CNTNAP5: variants seen among roughly 807,000 people sequenced by gnomAD.
The protein encoded by CNTNAP5 is contactin-associated protein-like 5.
A neutral mutation model predicts 150.2 loss-of-function variants in CNTNAP5; 72 were observed. The observed-to-expected ratio is 0.48, with a 90% confidence interval of 0.40 to 0.58. CNTNAP5 has a LOEUF of 0.58. Ranked by LOEUF, CNTNAP5 falls within the 20% of genes least tolerant of loss-of-function variation. The pLI is 0.00. For missense variants in CNTNAP5, 1,636 were observed against 1,626.2 expected, an observed-to-expected ratio of 1.01 and a Z score of -0.10; for synonymous variants, 672 against 619.8, an observed-to-expected ratio of 1.08 and a Z score of -1.25.
At chr2:124,445,908 T>G (rs1224034018) in intron 5 of CNTNAP5, among the ~76,000 whole-genome samples, 2 of 152,236 alleles carry the variant, frequency 1.3e-5, no homozygotes, top group Non-Finnish European at 2.9e-5. Flanking sequence ...GTAATCTTTT[T>G]GGTAGAGGGG....
intron 19 of CNTNAP5, among the ~76,000 whole-genome samples, chr2:124,799,871 A>G (rs561773085): frequency 6.6e-6 from 1 of 152,336 alleles, no homozygotes; most frequent in Admixed American, 6.5e-5. Flanking sequence ...AATAGAGACT[A>G]GGATGACAAT....
chr2:124,792,623 A>G (rs1352255614), intron 18 of CNTNAP5, among the ~76,000 whole-genome samples: 1 of 152,190 alleles, frequency 6.6e-6, no homozygotes, highest in Non-Finnish European at 1.5e-5. Flanking sequence ...CACCACCATC[A>G]GTTTCAGAAT....
intron 1 of CNTNAP5, among the ~76,000 whole-genome samples, chr2:124,113,960 A>AT (rs1227640396): frequency 6.6e-6 from 1 of 151,830 alleles, no homozygotes; most frequent in Non-Finnish European, 1.5e-5. Context: ...TAAGTTTCCA[A>AT]TTATATCCCC....
At chr2:124,705,138 T>A (rs879074758) in intron 13 of CNTNAP5, among the ~76,000 whole-genome samples, 2 of 152,210 alleles carry the variant, frequency 1.3e-5, no homozygotes, top group East Asian at 1.9e-4. Context: ...ACACTTTTTT[T>A]AATAGAGTGT....
chr2:124,052,182 G>A (rs1681714203), intron 1 of CNTNAP5, among the ~76,000 whole-genome samples: 1 of 152,162 alleles, frequency 6.6e-6, no homozygotes, highest in Non-Finnish European at 1.5e-5. Flanking sequence ...GATAACATCT[G>A]GAGTAGCATG....
At chr2:124,031,038 G>A (rs1048910798) in intron 1 of CNTNAP5, among the ~76,000 whole-genome samples, 17 of 151,888 alleles carry the variant, frequency 1.1e-4, no homozygotes, top group African/African-American at 3.9e-4. Flanking sequence ...CCACAAACAA[G>A]CTATGTTGTT....
intron 8 of CNTNAP5, among the ~76,000 whole-genome samples, chr2:124,513,637 G>A (rs1298169691): frequency 6.6e-6 from 1 of 152,164 alleles, no homozygotes; most frequent in East Asian, 1.9e-4. Flanking sequence ...AATTTTAACA[G>A]GGAAAGAAGA....
chr2:124,217,573 C>T (rs148296923), intron 1 of CNTNAP5, among the ~76,000 whole-genome samples: 34 of 152,266 alleles, frequency 2.2e-4, no homozygotes, highest in African/African-American at 7.5e-4. Context: ...TATGCAGGCT[C>T]GTGTCTTCAC....
intron 21 of CNTNAP5, among the ~76,000 whole-genome samples, chr2:124,887,238 G>A (rs1678099505): frequency 6.6e-6 from 1 of 151,984 alleles, no homozygotes; most frequent in South Asian, 2.1e-4. Flanking sequence ...GGAACATTTT[G>A]TTGTCAATAT....
At chr2:124,396,540 A>G (rs1573965616) in intron 3 of CNTNAP5, among the ~76,000 whole-genome samples, 1 of 152,340 alleles carries the variant, frequency 6.6e-6, no homozygotes, top group East Asian at 1.9e-4. Context: ...GCAGGCTACA[A>G]CAAGCATTAT....
At chr2:124,319,587 A>C (rs547099030) in intron 3 of CNTNAP5, among the ~76,000 whole-genome samples, 1 of 152,302 alleles carries the variant, frequency 6.6e-6, no homozygotes, top group African/African-American at 2.4e-5. Flanking sequence ...GAAATTATGC[A>C]GTCATTTTTA....
At chr2:124,187,370 A>C (rs1685359329) in intron 1 of CNTNAP5, among the ~76,000 whole-genome samples, 1 of 152,210 alleles carries the variant, frequency 6.6e-6, no homozygotes, top group Non-Finnish European at 1.5e-5. Flanking sequence ...ATTTGAGCTA[A>C]GATCTGCCTG....
At chr2:124,127,262 A>G (rs1450672857) in intron 1 of CNTNAP5, among the ~76,000 whole-genome samples, 4 of 152,160 alleles carry the variant, frequency 2.6e-5, no homozygotes, top group African/African-American at 9.7e-5. Context: ...CTATACACCA[A>G]TAACAGACAA....
intron 8 of CNTNAP5, among the ~76,000 whole-genome samples, chr2:124,517,387 GGGGTTGTGTTGTTGGTGACGGA>G (rs1694747006): frequency 6.7e-6 from 1 of 148,150 alleles, no homozygotes; most frequent in African/African-American, 2.5e-5. Context: ...TTGGTAAAGA[GGGGTTGTGTTGTTGGTGACGGA>G]GGGTTGTGGT....
chr2:124,494,904 A>G (rs996373582), intron 7 of CNTNAP5, among the ~76,000 whole-genome samples: 1 of 152,266 alleles, frequency 6.6e-6, no homozygotes. Flanking sequence ...TTTAACTGAA[A>G]CTCCTAGTAT....
chr2:124,608,098 A>G (rs1251417988), intron 11 of CNTNAP5, among the ~76,000 whole-genome samples: 1 of 152,184 alleles, frequency 6.6e-6, no homozygotes, highest in Non-Finnish European at 1.5e-5. Context: ...ACATTTGATC[A>G]TGACAAACTG....
At position 124,025,313 on chromosome 2, in the gene CNTNAP5, T is replaced by G. The variant is rs1573698459; in HGVS notation, c.-338T>G. On this transcript the variant is annotated 5_prime_UTR_variant, in exon 1 of 24. Transcript: ENST00000682447. ...ATTCCAGCTCTCGCGCCCGACGAGGTGGATTTGGCTGTCCACCGAGCTCCG... is the reference window on the plus strand; with the variant it reads ...ATTCCAGCTCTCGCGCCCGACGAGGGGGATTTGGCTGTCCACCGAGCTCCG... 2 of 264,278 alleles carry G rather than the reference T, an allele frequency of 7.6e-6. No individual in the cohort carries two copies. Among genetic ancestry groups the G allele is most frequent in the Admixed American group, 4.5e-5 (1 of 22,390 alleles). 16.4% of individuals were successfully genotyped at this position (264,278 alleles called of 1,614,324 possible).
rs55722003 is a variant in CNTNAP5, at chr2:124,296,567, C to T, written c.381+54174C>T. Among the ~76,000 whole-genome samples the T allele has an allele frequency of 5.3e-3, 809 of 152,248 alleles. 3 individuals are homozygous for T. The highest frequency in any genetic ancestry group is 8.3e-3 in the Non-Finnish European group (562 of 68,018). On this transcript the variant is annotated intron_variant, in intron 3 of 23. Coordinates refer to ENST00000682447, the MANE Select transcript of CNTNAP5 (RefSeq NM_001367498.1). ...TCCTGTCCCTCCACTCATTGGTGGT[C>T]ATGATACACCACACTTTTGTCATTC...
chr2:124,448,903 C>T (rs548027561), intron 6 of CNTNAP5, among the ~76,000 whole-genome samples: 10 of 152,232 alleles, frequency 6.6e-5, no homozygotes, highest in Admixed American at 2.0e-4. Context: ...AAGAATCTTA[C>T]GTTTGGATAC....
Sources: gnomAD v4.1 joint callset for allele counts (sites outside exome capture counted in the v4.1 genomes callset) on GRCh38, gnomAD v4.1.1 for gene constraint, MANE v1.5 for transcripts, NCBI Gene and HGNC (gene_info 2026-07-23, HGNC 2026-07-21) for gene names.